Variants in RBFOX1 observed in about 807,000 individuals in gnomAD.
The protein encoded by RBFOX1 is RNA binding fox-1 homolog 1.
RBFOX1 carries 8 observed loss-of-function variants against 57.7 expected under a neutral mutation model. The ratio of observed to expected loss-of-function variants is 0.14; its 90% CI spans 0.08 to 0.25. The LOEUF (loss-of-function observed/expected upper bound fraction) is 0.25. Among genes scored for constraint, RBFOX1 ranks in the 10% least tolerant of loss-of-function variants. RBFOX1 has a pLI of 1.00. For synonymous variants in RBFOX1, 326 were observed against 222.4 expected (o/e 1.47, Z -4.15); for missense variants, 611 against 548.5 (o/e 1.11, Z -1.14).
rs933115083 is a variant in RBFOX1, at chr16:7,330,411, G to C, written c.28-187736G>C. Among the ~76,000 whole-genome samples, 259 of 40,428 alleles carry C rather than the reference G, an allele frequency of 6.4e-3. 2 individuals are homozygous for C. Among genetic ancestry groups the C allele is most frequent in the Non-Finnish European group, 6.7e-3 (146 of 21,870 alleles). 26.5% of individuals were successfully genotyped at this position (40,428 alleles called of 152,430 possible). On this transcript the variant is annotated intron_variant, in intron 4 of 15. Coordinates refer to ENST00000550418, the MANE Select transcript of RBFOX1 (RefSeq NM_018723.4). ...AGGTTTTTTTTTTTTTTTTTTTTCT[G>C]TTTTAGATGATCTGAGGTTGGTTGA... is the stretch of plus-strand genomic sequence containing the variant.
At chr16:7,247,532 C>G (rs1330881450) in intron 4 of RBFOX1, among the ~76,000 whole-genome samples, 1 of 152,258 alleles carries the variant, frequency 6.6e-6, no homozygotes, top group South Asian at 2.1e-4. Context: ...AGACCCTGTG[C>G]CTGCCACAAT....
chr16:5,948,436 A>C (rs1019929611), intron 4 of RBFOX1, among the ~76,000 whole-genome samples: 4 of 152,152 alleles, frequency 2.6e-5, no homozygotes, highest in African/African-American at 7.2e-5. Context: ...CCCAAAATTC[A>C]TGTCTACCTG....
At chr16:5,441,911 C>T (rs1343139618) in intron 1 of RBFOX1, among the ~76,000 whole-genome samples, 1 of 152,140 alleles carries the variant, frequency 6.6e-6, no homozygotes, top group Non-Finnish European at 1.5e-5. Context: ...TGTTCTCTCC[C>T]ACGACACATG....
At position 7,166,308 on chromosome 16, in the gene RBFOX1, C is replaced by G. The variant is rs1601631684; in HGVS notation, c.27+114210C>G. The stretch of plus-strand genomic sequence containing the variant: ...GGATTATAGGCGTGAACCACCGCAC[C>G]CGGCCGGAGTGGGTAGTCTTTATTC... On this transcript the variant is annotated intron_variant, in intron 4 of 15. Coordinates refer to ENST00000550418, the MANE Select transcript of RBFOX1 (RefSeq NM_018723.4). 2.0e-5 allele frequency among the ~76,000 whole-genome samples: 3 copies of G among 152,048 alleles called. No individual in the cohort carries two copies. In the South Asian group the frequency reaches 6.2e-4, roughly 32 times the overall value.
chr16:6,502,191 G>C (rs952272082), intron 2 of RBFOX1, among the ~76,000 whole-genome samples: 1 of 152,142 alleles, frequency 6.6e-6, no homozygotes, highest in Non-Finnish European at 1.5e-5. Flanking sequence ...TTGTGCTTCT[G>C]TTATATCTTT....
chr16:7,027,045 A>G (rs2153684608), intron 3 of RBFOX1, among the ~76,000 whole-genome samples: 1 of 152,210 alleles, frequency 6.6e-6, no homozygotes, highest in East Asian at 1.9e-4. Flanking sequence ...TTCTCCCTGA[A>G]CAATAGGACC....
chr16:7,413,799 C>A (rs556267744), intron 4 of RBFOX1, among the ~76,000 whole-genome samples: 1 of 151,978 alleles, frequency 6.6e-6, no homozygotes, highest in Non-Finnish European at 1.5e-5. Flanking sequence ...GAGCTGGATC[C>A]CAGGTACCTC....
intron 4 of RBFOX1, among the ~76,000 whole-genome samples, chr16:7,407,757 T>C (rs2098371100): frequency 6.6e-6 from 1 of 152,230 alleles, no homozygotes; most frequent in Admixed American, 6.5e-5. Context: ...CAGTGCCTTC[T>C]GTATCTTCAT....
At chr16:7,013,987 A>G (rs903706256) in intron 3 of RBFOX1, among the ~76,000 whole-genome samples, 4 of 152,138 alleles carry the variant, frequency 2.6e-5, no homozygotes, top group African/African-American at 9.7e-5. Flanking sequence ...TCCGTACGTC[A>G]GTATTCTCAC....
intron 4 of RBFOX1, among the ~76,000 whole-genome samples, chr16:7,498,393 C>T (rs144675111): frequency 6.6e-6 from 1 of 152,038 alleles, no homozygotes; most frequent in Non-Finnish European, 1.5e-5. Flanking sequence ...GTATAGCTAG[C>T]ATTGTCCAAC....
chr16:6,455,252 G>C (rs1383545508), intron 2 of RBFOX1, among the ~76,000 whole-genome samples: 2 of 151,974 alleles, frequency 1.3e-5, no homozygotes, highest in Non-Finnish European at 2.9e-5. Flanking sequence ...TACCCTCAAG[G>C]AATCTTCAGT....
At chr16:7,264,613 C>T (rs112519734) in intron 4 of RBFOX1, among the ~76,000 whole-genome samples, 1 of 152,098 alleles carries the variant, frequency 6.6e-6, no homozygotes, top group Non-Finnish European at 1.5e-5. Flanking sequence ...AGTTGTATTA[C>T]AATAAAATTT....
At chr16:7,464,192 A>G (rs1270485190) in intron 4 of RBFOX1, among the ~76,000 whole-genome samples, 1 of 152,162 alleles carries the variant, frequency 6.6e-6, no homozygotes, top group Non-Finnish European at 1.5e-5. Context: ...ACTCCAAGAC[A>G]TGTGTTTTGC....
At chr16:6,954,434 A>C (rs559122310) in intron 3 of RBFOX1, among the ~76,000 whole-genome samples, 10 of 152,178 alleles carry the variant, frequency 6.6e-5, no homozygotes, top group Non-Finnish European at 2.9e-5. Flanking sequence ...TTTTAAAATT[A>C]CACGACTATA....
intron 3 of RBFOX1, among the ~76,000 whole-genome samples, chr16:5,737,298 A>G (rs1451237576): frequency 6.6e-6 from 1 of 152,062 alleles, no homozygotes; most frequent in Admixed American, 6.6e-5. Flanking sequence ...AGCCTGGCCA[A>G]TATGGTAAAA....
chr16:7,361,248 T>C (rs566554128), intron 4 of RBFOX1, among the ~76,000 whole-genome samples: 1 of 152,306 alleles, frequency 6.6e-6, no homozygotes, highest in East Asian at 1.9e-4. Flanking sequence ...GTTTGTGTCA[T>C]TGCACACTTT....
At chr16:7,543,780 G>C (rs113372271) in intron 5 of RBFOX1, among the ~76,000 whole-genome samples, 1 of 151,386 alleles carries the variant, frequency 6.6e-6, no homozygotes. Context: ...GAGTGCAGTG[G>C]CACGATCTTG....
chr16:5,265,819 G>A (rs2151109720), intron 1 of RBFOX1, among the ~76,000 whole-genome samples: 1 of 152,302 alleles, frequency 6.6e-6, no homozygotes, highest in East Asian at 1.9e-4. Flanking sequence ...TTATGGTGGA[G>A]TTTGCTTTTG....
At chr16:5,966,977 T>C (rs1479294225) in intron 4 of RBFOX1, among the ~76,000 whole-genome samples, 1 of 119,138 alleles carries the variant, frequency 8.4e-6, no homozygotes, top group Non-Finnish European at 1.7e-5. Flanking sequence ...TTAATTGTCT[T>C]TCTTGCACTA....
Sources: allele counts gnomAD v4.1 joint callset (sites outside exome capture counted in the v4.1 genomes callset), GRCh38; gene constraint gnomAD v4.1.1; transcripts MANE v1.5; gene names NCBI Gene and HGNC (gene_info 2026-07-23, HGNC 2026-07-21).